Variants in NRG3 observed in about 807,000 individuals in gnomAD.
NRG3 encodes the protein pro-neuregulin-3, membrane-bound isoform.
A neutral mutation model predicts 66.9 loss-of-function variants in NRG3; 31 were observed. The ratio of observed to expected loss-of-function variants is 0.46; its 90% CI spans 0.35 to 0.63. The LOEUF (loss-of-function observed/expected upper bound fraction) is 0.63, where lower values mean the gene tolerates loss of function less well. Ranked by LOEUF, NRG3 falls within the 20% of genes least tolerant of loss-of-function variation. NRG3 has a pLI of 0.00. For missense variants in NRG3, 910 were observed against 878.9 expected, an observed-to-expected ratio of 1.04 and a Z score of -0.45; for synonymous variants, 393 against 359.4, an observed-to-expected ratio of 1.09 and a Z score of -1.06.
At chr10:82,170,199 G>T (rs934361332) in intron 1 of NRG3, among the ~76,000 whole-genome samples, 4 of 151,994 alleles carry the variant, frequency 2.6e-5, no homozygotes, top group Admixed American at 1.3e-4. Context: ...AGTCCCATCT[G>T]TTCCTGGCCT....
intron 1 of NRG3, among the ~76,000 whole-genome samples, chr10:82,207,044 A>G (rs2075154458): frequency 6.6e-6 from 1 of 152,094 alleles, no homozygotes; most frequent in Non-Finnish European, 1.5e-5. Context: ...TGCTTTCCTA[A>G]TTGTTTTTGA....
chr10:81,901,595 G>C (rs73319132), intron 1 of NRG3, among the ~76,000 whole-genome samples: 2,857 of 152,172 alleles, frequency 0.019, 77 homozygotes, highest in African/African-American at 0.063. Context: ...CTTGAGCCTA[G>C]GAGTTTGAGG....
chr10:82,034,174 A>C (rs2062689542), intron 1 of NRG3, among the ~76,000 whole-genome samples: 2 of 152,126 alleles, frequency 1.3e-5, no homozygotes, highest in Non-Finnish European at 2.9e-5. Context: ...TTGAATCTCT[A>C]ATCTGTTAGT....
At chr10:82,591,654 T>C (rs1345563293) in intron 2 of NRG3, among the ~76,000 whole-genome samples, 1 of 152,178 alleles carries the variant, frequency 6.6e-6, no homozygotes, top group Non-Finnish European at 1.5e-5. Flanking sequence ...AGCCTTATGT[T>C]TAAAATTAGG....
intron 1 of NRG3, among the ~76,000 whole-genome samples, chr10:82,178,913 A>G (rs559788023): frequency 3.9e-4 from 60 of 152,176 alleles, no homozygotes; most frequent in African/African-American, 1.4e-3. Flanking sequence ...TTATCTTTGT[A>G]AATAAATATA....
In NRG3 at chr10:82,951,571, A is replaced by G; in HGVS notation, c.1157A>G (p.Lys386Arg). 2 of 1,611,464 alleles carry G rather than the reference A, an allele frequency of 1.2e-6. No homozygotes were observed. The highest frequency in any genetic ancestry group is 1.7e-4 in the Middle Eastern group (1 of 6,044). The part of the protein sequence containing the change: ...MFCAAFYFKS[K>R]KQAKQIQEQL... ...TGTGCAGCATTCTACTTCAAAAGCA[A>G]GTAAGACTATTTCTCTCAAGTGTTT... The change falls in exon 5 of 9, where the codon AAG becomes AGG. Residue 386 changes from lysine (K) to arginine (R), a missense_variant and splice_region_variant. Transcript: ENST00000372141.
chr10:82,120,382 G>C (rs1041264118), intron 1 of NRG3, among the ~76,000 whole-genome samples: 5 of 152,030 alleles, frequency 3.3e-5, no homozygotes, highest in African/African-American at 7.2e-5. Flanking sequence ...AAAATCAATA[G>C]TAATATTTAA....
At chr10:82,720,980 T>G (rs1161568582) in intron 2 of NRG3, among the ~76,000 whole-genome samples, 1 of 150,942 alleles carries the variant, frequency 6.6e-6, no homozygotes, top group Non-Finnish European at 1.5e-5. Context: ...ATAGTATTCC[T>G]CTGAATTTCA....
At chr10:82,214,282 G>GTCAAGAAGTTTTTCTT (rs1246646502) in intron 1 of NRG3, among the ~76,000 whole-genome samples, 2 of 152,066 alleles carry the variant, frequency 1.3e-5, no homozygotes, top group Non-Finnish European at 2.9e-5. Flanking sequence ...GGGGTTTATG[G>GTCAAGAAGTTTTTCTT]TCAAGAAGAA....
intron 2 of NRG3, among the ~76,000 whole-genome samples, chr10:82,670,263 T>G (rs2053162616): frequency 6.6e-6 from 1 of 152,022 alleles, no homozygotes; most frequent in East Asian, 1.9e-4. Flanking sequence ...TTTTTTTCTA[T>G]CTCTCCCTCA....
At chr10:82,054,463 G>A (rs10884093) in intron 1 of NRG3, among the ~76,000 whole-genome samples, 3,470 of 152,254 alleles carry the variant, frequency 0.023, 88 homozygotes, top group East Asian at 0.1. Context: ...TTGAGATGGG[G>A]AGGACTGTAC....
intron 2 of NRG3, among the ~76,000 whole-genome samples, chr10:82,655,866 C>A (rs1296842059): frequency 1.3e-5 from 2 of 152,126 alleles, no homozygotes; most frequent in Admixed American, 6.5e-5. Flanking sequence ...TAGGACTAAA[C>A]ACACACAAAC....
At chr10:81,912,958 G>A (rs1292852371) in intron 1 of NRG3, among the ~76,000 whole-genome samples, 1 of 152,202 alleles carries the variant, frequency 6.6e-6, no homozygotes, top group Admixed American at 6.5e-5. Flanking sequence ...GGTGTTAAGA[G>A]CCTGGCCACT....
At chr10:82,691,166 A>G (rs1181884096) in intron 2 of NRG3, among the ~76,000 whole-genome samples, 1 of 152,182 alleles carries the variant, frequency 6.6e-6, no homozygotes, top group Admixed American at 6.6e-5. Context: ...ACCCTCAAAG[A>G]AAGTACGAGA....
chr10:82,306,692 A>G (rs1259746851), intron 1 of NRG3, among the ~76,000 whole-genome samples: 1 of 118,470 alleles, frequency 8.4e-6, no homozygotes, highest in East Asian at 2.9e-4. Context: ...CGACAGAGTG[A>G]GACTCCGTCT....
intron 5 of NRG3, 105 bp from the exon 6 acceptor site, chr10:82,958,844 A>T: frequency 1.5e-6 from 2 of 1,301,956 alleles, no homozygotes; most frequent in Non-Finnish European, 2.0e-6. Context: ...AGTTTATTTA[A>T]CTTTAGCAAA....
intron 1 of NRG3, among the ~76,000 whole-genome samples, chr10:82,356,655 T>C (rs1376750571): frequency 6.6e-6 from 1 of 152,226 alleles, no homozygotes; most frequent in African/African-American, 2.4e-5. Flanking sequence ...AAGTTCCCAT[T>C]GCAATACCAA....
intron 4 of NRG3, among the ~76,000 whole-genome samples, chr10:82,947,491 T>G (rs1048329821): frequency 6.6e-6 from 1 of 152,100 alleles, no homozygotes; most frequent in Non-Finnish European, 1.5e-5. Context: ...AGTAGGTATA[T>G]TTTTAATTTT....
intron 1 of NRG3, among the ~76,000 whole-genome samples, chr10:82,332,645 A>C (rs1000686758): frequency 2.0e-5 from 3 of 152,188 alleles, no homozygotes; most frequent in African/African-American, 7.2e-5. Context: ...TGTTTCGTGA[A>C]TAAATCAAAA....
Sources: allele counts gnomAD v4.1 joint callset (sites outside exome capture counted in the v4.1 genomes callset), GRCh38; gene constraint gnomAD v4.1.1; transcripts MANE v1.5; gene names NCBI Gene and HGNC (gene_info 2026-07-23, HGNC 2026-07-21).